Variants in BMERB1 observed in about 807,000 individuals in gnomAD.
BMERB1 encodes bMERB domain containing 1, also known as bMERB domain-containing protein 1.
Under a neutral mutation model 23.6 loss-of-function variants are expected in BMERB1, and 12 were observed. The observed-to-expected ratio is 0.51, with a 90% CI of 0.33 to 0.82. BMERB1 has a LOEUF of 0.82. BMERB1 is among the 40% of genes least tolerant of loss of function. The pLI is 0.03. For missense variants in BMERB1, 247 were observed against 255.4 expected (o/e 0.97, Z 0.22); for synonymous variants, 122 against 96.6 (o/e 1.26, Z -1.54).
chr16:15,557,109 A>G (rs577842018), intron 2 of BMERB1, among the ~76,000 whole-genome samples: 10 of 152,228 alleles, frequency 6.6e-5, no homozygotes, highest in African/African-American at 1.9e-4. Context: ...CAGCAGCTCT[A>G]TTATTCCAGC....
chr16:15,480,197 C>G (rs2051307960), intron 1 of BMERB1, among the ~76,000 whole-genome samples: 1 of 151,280 alleles, frequency 6.6e-6, no homozygotes, highest in African/African-American at 2.4e-5. Context: ...ACTGCAAGCT[C>G]CACCTCCTGG....
chr16:15,484,906 C>T (rs1364266270), intron 1 of BMERB1, among the ~76,000 whole-genome samples: 1 of 152,202 alleles, frequency 6.6e-6, no homozygotes, highest in Non-Finnish European at 1.5e-5. Context: ...CAAGGTTTCC[C>T]ATATCCCATA....
At chr16:15,584,414 C>A (rs534812034) in intron 5 of BMERB1, among the ~76,000 whole-genome samples, 1 of 151,854 alleles carries the variant, frequency 6.6e-6, no homozygotes, top group South Asian at 2.1e-4. Context: ...AAAAATTAGC[C>A]GGGCTTGGTG....
At chr16:15,564,023 C>T (rs1284769486) in intron 2 of BMERB1, among the ~76,000 whole-genome samples, 1 of 152,154 alleles carries the variant, frequency 6.6e-6, no homozygotes, top group East Asian at 1.9e-4. Flanking sequence ...GGCACCTCCC[C>T]CTCTCTCTTG....
chr16:15,473,312 C>CT (rs1368467884), intron 1 of BMERB1, among the ~76,000 whole-genome samples: 4 of 133,720 alleles, frequency 3.0e-5, no homozygotes, highest in African/African-American at 1.1e-4. Flanking sequence ...TGAGTTGTAG[C>CT]TTTGCTCTTG....
chr16:15,517,362 T>G (rs2051774379), intron 2 of BMERB1, among the ~76,000 whole-genome samples: 2 of 152,062 alleles, frequency 1.3e-5, no homozygotes, highest in African/African-American at 4.8e-5. Flanking sequence ...TACAAAAAAT[T>G]TAGCCACGTG....
At chr16:15,532,762 GTC>G (rs1237392960) in intron 2 of BMERB1, among the ~76,000 whole-genome samples, 1 of 151,604 alleles carries the variant, frequency 6.6e-6, no homozygotes, top group African/African-American at 2.4e-5. Flanking sequence ...AGCCAGGATG[GTC>G]TCAATCTCCT....
chr16:15,558,675 C>G (rs2030335886), intron 2 of BMERB1, among the ~76,000 whole-genome samples: 1 of 151,628 alleles, frequency 6.6e-6, no homozygotes, highest in Non-Finnish European at 1.5e-5. Context: ...ATATATGTAC[C>G]ATAATGACAT....
chr16:15,533,626 T>C (rs1329902662), intron 2 of BMERB1, among the ~76,000 whole-genome samples: 1 of 152,130 alleles, frequency 6.6e-6, no homozygotes, highest in African/African-American at 2.4e-5. Flanking sequence ...TCAGAGTCTT[T>C]CTCCTGGGAT....
intron 1 of BMERB1, among the ~76,000 whole-genome samples, chr16:15,444,368 G>C (rs2050972393): frequency 6.6e-6 from 1 of 151,776 alleles, no homozygotes; most frequent in Non-Finnish European, 1.5e-5. Context: ...AGCTAGATGG[G>C]TCCTGACCCC....
intron 1 of BMERB1, among the ~76,000 whole-genome samples, chr16:15,479,384 G>T (rs1055429477): frequency 1.3e-5 from 2 of 152,202 alleles, no homozygotes; most frequent in East Asian, 3.8e-4. Context: ...CTTTCAAAGA[G>T]TAAGATAGAC....
At position 15,586,829 on chromosome 16, in the gene BMERB1, GC is replaced by G; in HGVS notation, c.*5del. The G allele has an allele frequency of 1.3e-6, 2 of 1,594,946 alleles. No homozygotes were observed. Among genetic ancestry groups the G allele is most frequent in the Non-Finnish European group, 1.7e-6 (2 of 1,170,824 alleles). ...GGGCCACCCAGTGCAACATCATGTA[GC>G]CCCCACGTGGGGTGCCCTGGGCCAT... On this transcript the variant is annotated 3_prime_UTR_variant, in exon 6 of 6. Transcript: ENST00000300006.
chr16:15,504,537 C>T (rs1418431234), intron 1 of BMERB1, among the ~76,000 whole-genome samples: 1 of 151,698 alleles, frequency 6.6e-6, no homozygotes, highest in African/African-American at 2.4e-5. Flanking sequence ...AGCCCTCAAA[C>T]TCCTGGACCC....
intron 2 of BMERB1, among the ~76,000 whole-genome samples, chr16:15,518,260 A>T (rs916143690): frequency 1.3e-5 from 2 of 152,236 alleles, no homozygotes; most frequent in African/African-American, 4.8e-5. Context: ...TCTAAAGGAT[A>T]CAGAAGGACC....
rs1359777572 is a variant in BMERB1 at position 15,447,701 on chromosome 16, C to G, written c.106+12942C>G. On this transcript the variant is annotated intron_variant, in intron 1 of 5. Transcript: ENST00000300006. ...AGAAGTTAAATTTAAGTGGGTGAAC[C>G]TCAAGGAAGAATGGAGGTGACGATG... 3.9e-5 allele frequency among the ~76,000 whole-genome samples: 6 copies of G among 151,968 alleles called. No individual in the cohort carries two copies. The South Asian group carries it at 1.0e-3, about 26-fold the overall frequency.
At chr16:15,499,243 CAA>C (rs1239740756) in intron 1 of BMERB1, among the ~76,000 whole-genome samples, 1 of 151,968 alleles carries the variant, frequency 6.6e-6, no homozygotes. Flanking sequence ...ACCAAAAATA[CAA>C]AAGTTAGTCA....
chr16:15,446,895 G>C (rs1408452342), intron 1 of BMERB1, among the ~76,000 whole-genome samples: 1 of 152,124 alleles, frequency 6.6e-6, no homozygotes, highest in Non-Finnish European at 1.5e-5. Flanking sequence ...AGGAGGGAGA[G>C]CCTTTCTGTT....
chr16:15,453,300 A>C (rs1185982290), intron 1 of BMERB1, among the ~76,000 whole-genome samples: 1 of 152,248 alleles, frequency 6.6e-6, no homozygotes, highest in Non-Finnish European at 1.5e-5. Context: ...AATGTCATTT[A>C]AAGGAATGCT....
intron 1 of BMERB1, among the ~76,000 whole-genome samples, chr16:15,482,754 C>T (rs2051333121): frequency 1.3e-5 from 2 of 152,096 alleles, no homozygotes. Context: ...CATTTATTGC[C>T]TGTGTTCTTA....
Sources: allele counts gnomAD v4.1 joint callset (sites outside exome capture counted in the v4.1 genomes callset), GRCh38; gene constraint gnomAD v4.1.1; transcripts MANE v1.5; gene names NCBI Gene and HGNC (gene_info 2026-07-23, HGNC 2026-07-21).